The following SBF2 variants were observed in gnomAD, a reference collection of about 807,000 sequenced individuals.
The protein encoded by SBF2 is SET binding factor 2.
A neutral mutation model predicts 225.2 loss-of-function variants in SBF2; 112 were observed. That is an observed-to-expected ratio of 0.50 (90% CI 0.43 to 0.58). The LOEUF is 0.58. SBF2 is among the 20% of genes least tolerant of loss of function. The pLI, the probability that SBF2 is intolerant of heterozygous loss-of-function variation, is 0.00. For missense variants in SBF2, 1,996 were observed against 2,206.2 expected, an observed-to-expected ratio of 0.90 and a Z score of 1.91; for synonymous variants, 763 against 773.3, an observed-to-expected ratio of 0.99 and a Z score of 0.22.
intron 16 of SBF2, among the ~76,000 whole-genome samples, chr11:9,909,860 C>A (rs910408313): frequency 6.6e-5 from 10 of 152,106 alleles, no homozygotes; most frequent in East Asian, 5.8e-4. Flanking sequence ...GACTTCCCAT[C>A]AAAAAATATT....
chr11:9,848,167 A>C (rs1473614344), intron 22 of SBF2, among the ~76,000 whole-genome samples: 1 of 152,164 alleles, frequency 6.6e-6, no homozygotes, highest in African/African-American at 2.4e-5. Flanking sequence ...TATAATCAGA[A>C]TCCTAATTCC....
chr11:10,004,574 T>TAAAAAAAAAAAAA (rs763688115), intron 6 of SBF2, among the ~76,000 whole-genome samples: 6 of 85,532 alleles, frequency 7.0e-5, no homozygotes, highest in Non-Finnish European at 9.2e-5. Context: ...CTACAAAAAT[T>TAAAAAAAAAAAAA]AAAAAAAAAA....
At chr11:9,918,257 G>A (rs1395218040) in intron 16 of SBF2, among the ~76,000 whole-genome samples, 2 of 152,070 alleles carry the variant, frequency 1.3e-5, no homozygotes, top group Non-Finnish European at 2.9e-5. Context: ...GCCTTTGGGG[G>A]AGCTCTGTAG....
In SBF2 at chr11:9,999,565, G is replaced by A. The variant is rs139017047; in HGVS notation, c.862-1186C>T. On this transcript the variant is annotated intron_variant, in intron 8 of 39. Transcript: ENST00000256190. ...TCAAACTCCTGACCTCAGGTGATCC[G>A]CCTGCCTTGGCCTCCCGAAGTGCTA... Among the ~76,000 whole-genome samples, 164 of 152,114 alleles carry A rather than the reference G, an allele frequency of 1.1e-3. 1 individual carries two copies. The highest frequency in any genetic ancestry group is 3.4e-3 in the Middle Eastern group (1 of 294).
At position 9,845,640 on chromosome 11, in the gene SBF2, G is replaced by T. The variant is rs1856490869; in HGVS notation, c.3035C>A (p.Thr1012Asn). The change falls in exon 24 of 40, where the codon ACC (threonine) becomes AAC (asparagine). Residue 1012 changes from threonine (T) to asparagine (N), a missense_variant. Coordinates refer to ENST00000256190, the MANE Select transcript of SBF2 (RefSeq NM_030962.4). ...KFRYPQSIFS[T>N]FAFAAGQTTP... ...AGTTTGTCCAGCAGCAAAAGCAAAG[G>T]TACTGAAAATGGACTGAGGATAACG... 3 of 1,613,888 alleles carry T rather than the reference G, an allele frequency of 1.9e-6. No homozygotes were observed. In the East Asian group the frequency reaches 6.7e-5, roughly 36 times the overall value.
intron 2 of SBF2, among the ~76,000 whole-genome samples, chr11:10,125,035 GA>G (rs1488405451): frequency 8.6e-5 from 13 of 150,802 alleles, no homozygotes; most frequent in Admixed American, 8.6e-4. Flanking sequence ...TTGAACCCGG[GA>G]GGCGGAGGTT....
intron 6 of SBF2, among the ~76,000 whole-genome samples, chr11:10,025,575 A>T (rs925574012): frequency 2.6e-5 from 4 of 152,054 alleles, no homozygotes; most frequent in African/African-American, 9.7e-5. Flanking sequence ...ACTGGCTCTG[A>T]TGCCTTCAAG....
chr11:10,280,814 C>T (rs1963356163), intron 1 of SBF2, among the ~76,000 whole-genome samples: 1 of 150,962 alleles, frequency 6.6e-6, no homozygotes. Context: ...TGTGTAACTA[C>T]TCACAGGTAA....
chr11:10,082,768 A>C (rs1215822029), intron 2 of SBF2, among the ~76,000 whole-genome samples: 1 of 152,182 alleles, frequency 6.6e-6, no homozygotes, highest in African/African-American at 2.4e-5. Context: ...ACAAACCCAC[A>C]GTCAACATCA....
At chr11:10,168,354 T>C (rs1218751006) in intron 2 of SBF2, among the ~76,000 whole-genome samples, 1 of 152,178 alleles carries the variant, frequency 6.6e-6, no homozygotes, top group African/African-American at 2.4e-5. Flanking sequence ...AAAAAGGTTG[T>C]TTTTCTCTAA....
chr11:10,180,781 C>CTTCA, intron 2 of SBF2, among the ~76,000 whole-genome samples: 1 of 152,222 alleles, frequency 6.6e-6, no homozygotes, highest in South Asian at 2.1e-4. Flanking sequence ...TTCTGCCTGT[C>CTTCA]TTCAAGCTCA....
At chr11:9,873,852 C>T (rs893917018) in intron 17 of SBF2, among the ~76,000 whole-genome samples, 1 of 152,116 alleles carries the variant, frequency 6.6e-6, no homozygotes, top group African/African-American at 2.4e-5. Context: ...AGTTCGAGAC[C>T]AGACTGGCCA....
intron 2 of SBF2, among the ~76,000 whole-genome samples, chr11:10,160,126 T>C (rs1955668462): frequency 6.6e-6 from 1 of 152,084 alleles, no homozygotes; most frequent in Admixed American, 6.6e-5. Context: ...GTAAAAAATA[T>C]CTTTGCAGAT....
At chr11:9,885,362 C>G (rs1860202058) in intron 17 of SBF2, among the ~76,000 whole-genome samples, 1 of 147,384 alleles carries the variant, frequency 6.8e-6, no homozygotes, top group Non-Finnish European at 1.5e-5. Context: ...ATGACGAACT[C>G]TTCATTGTAT....
chr11:9,780,217 G>A lies in SBF2; in HGVS notation c.*201C>T. The A allele has an allele frequency of 8.0e-6, 5 of 622,496 alleles. No homozygotes were observed. Among genetic ancestry groups the A allele is most frequent in the Admixed American group, 2.3e-5 (1 of 44,066 alleles). The allele number at this position is 622,496 out of a possible 1,614,324, so 38.6% of individuals were successfully genotyped here. A position where few individuals can be genotyped will look rare whatever the true frequency, so the allele number is the denominator to read the frequency against. On this transcript the variant is annotated 3_prime_UTR_variant, in exon 40 of 40. Coordinates refer to ENST00000256190, the MANE Select transcript of SBF2 (RefSeq NM_030962.4). ...AAATTTAGTGCAAGATACAGGGAGT[G>A]CATGGGGCTGTTGACCAGACCTGTG...
chr11:10,229,916 T>TA (rs1958755341), intron 1 of SBF2, among the ~76,000 whole-genome samples: 1 of 152,224 alleles, frequency 6.6e-6, no homozygotes, highest in Non-Finnish European at 1.5e-5. Flanking sequence ...AGTGGGATGT[T>TA]AAAGTCTCCC....
intron 17 of SBF2, among the ~76,000 whole-genome samples, chr11:9,885,787 T>G (rs1415705427): frequency 6.6e-6 from 1 of 152,184 alleles, no homozygotes; most frequent in East Asian, 1.9e-4. Flanking sequence ...TCAGGAATTA[T>G]TTGATGGTCC....
intron 26 of SBF2, among the ~76,000 whole-genome samples, chr11:9,835,908 T>C (rs537280463): frequency 1.3e-5 from 2 of 152,242 alleles, no homozygotes; most frequent in South Asian, 4.1e-4. Context: ...TTAAGAATGT[T>C]GCCATGAACA....
chr11:10,246,568 C>A (rs769304289), intron 1 of SBF2, among the ~76,000 whole-genome samples: 1 of 152,128 alleles, frequency 6.6e-6, no homozygotes, highest in African/African-American at 2.4e-5. Context: ...CAGGCAAGAG[C>A]CACCACACCC....
Sources: allele counts gnomAD v4.1 joint callset (sites outside exome capture counted in the v4.1 genomes callset), GRCh38; gene constraint gnomAD v4.1.1; transcripts MANE v1.5; gene names NCBI Gene and HGNC (gene_info 2026-07-23, HGNC 2026-07-21).